Variants in DLG2 observed in about 807,000 individuals in gnomAD.
The protein encoded by DLG2 is discs large MAGUK scaffold protein 2.
In DLG2, 45 loss-of-function variants were observed where a neutral mutation model predicts 132.5. That is an observed-to-expected ratio of 0.34 (90% CI 0.27 to 0.44). DLG2 has a LOEUF of 0.44. DLG2 is among the 20% of genes least tolerant of loss of function. The probability of loss-of-function intolerance (pLI) is 1.00; values close to 1 mark genes in which losing one functional copy is unlikely to be tolerated. For missense variants in DLG2, 1,045 were observed against 1,196.9 expected (o/e 0.87, Z 1.87); for synonymous variants, 424 against 419.6 (o/e 1.01, Z -0.13).
intron 8 of DLG2, among the ~76,000 whole-genome samples, chr11:84,170,905 C>T (rs572902944): frequency 6.6e-6 from 1 of 152,234 alleles, no homozygotes; most frequent in East Asian, 1.9e-4. Flanking sequence ...ACTCTTTATT[C>T]TAAAGATCCT....
intron 6 of DLG2, among the ~76,000 whole-genome samples, chr11:85,092,772 A>G (rs2069003298): frequency 6.6e-6 from 1 of 151,606 alleles, no homozygotes; most frequent in African/African-American, 2.4e-5. Flanking sequence ...CCTCCCAAGT[A>G]GCTGGGACTA....
intron 17 of DLG2, among the ~76,000 whole-genome samples, chr11:83,829,197 CTTT>C (rs5793089): frequency 0.22 from 26,499 of 119,588 alleles, 2,890 homozygotes; most frequent in African/African-American, 0.42. Context: ...TTTTATTTAG[CTTT>C]TTTTTTTTTT....
Position 84,379,562 on chromosome 11 carries a change from T to A in DLG2, c.520-128271A>T, listed in dbSNP as rs955370870. Reference sequence around the variant, plus strand: ...GAGGATGGAACAAAGTGATTCAAGATGTAGAAACATAGGTAGCTCAAAAAA... The same window carrying A: ...GAGGATGGAACAAAGTGATTCAAGAAGTAGAAACATAGGTAGCTCAAAAAA... On this transcript the variant is annotated intron_variant, in intron 7 of 27. Coordinates refer to ENST00000376104, the MANE Select transcript of DLG2 (RefSeq NM_001142699.3). Among the ~76,000 whole-genome samples, 4 of 152,046 alleles carry A rather than the reference T, an allele frequency of 2.6e-5. 1 individual carries two copies. Among genetic ancestry groups the A allele is most frequent in the Admixed American group, 2.6e-4 (4 of 15,250 alleles).
intron 6 of DLG2, among the ~76,000 whole-genome samples, chr11:84,758,958 A>G (rs563078875): frequency 2.0e-5 from 3 of 151,970 alleles, no homozygotes; most frequent in East Asian, 3.9e-4. Context: ...GCTCACTGAA[A>G]CCTCCACCTC....
chr11:84,798,901 C>T (rs2075022365), intron 6 of DLG2, among the ~76,000 whole-genome samples: 3 of 152,138 alleles, frequency 2.0e-5, no homozygotes, highest in Non-Finnish European at 4.4e-5. Flanking sequence ...GGGCTAGCTG[C>T]CTGTCACCCC....
rs940671878 is a variant in DLG2 at position 83,676,225 on chromosome 11, T to C, written c.1826-42900A>G. 3.9e-5 allele frequency among the ~76,000 whole-genome samples: 6 copies of C among 152,298 alleles called. 1 individual carries two copies. The South Asian group carries it at 1.0e-3, about 26-fold the overall frequency. ...ATCTCTTTCTAGCTGGATGTGACTA[T>C]GAAAACAAGTTGTCTAGGAGTCACT... On this transcript the variant is annotated intron_variant, in intron 18 of 27. Coordinates refer to ENST00000376104, the MANE Select transcript of DLG2 (RefSeq NM_001142699.3).
chr11:85,081,316 C>T (rs1185887830), intron 6 of DLG2, among the ~76,000 whole-genome samples: 2 of 152,132 alleles, frequency 1.3e-5, no homozygotes, highest in Non-Finnish European at 2.9e-5. Context: ...GTCTTAGCAA[C>T]AGCATGGGAA....
chr11:85,028,916 G>C (rs961851264), intron 6 of DLG2, among the ~76,000 whole-genome samples: 1 of 152,252 alleles, frequency 6.6e-6, no homozygotes. Flanking sequence ...CCCCAGCTGT[G>C]CCTACCCCGC....
chr11:85,465,466 C>T (rs1371825884), intron 3 of DLG2, among the ~76,000 whole-genome samples: 4 of 152,116 alleles, frequency 2.6e-5, no homozygotes, highest in African/African-American at 9.7e-5. Flanking sequence ...TCCCCCCACC[C>T]CACAACAGGC....
intron 3 of DLG2, among the ~76,000 whole-genome samples, chr11:85,495,209 T>C (rs1296369320): frequency 6.6e-6 from 1 of 152,154 alleles, no homozygotes; most frequent in Non-Finnish European, 1.5e-5. Flanking sequence ...TGTAGAACAA[T>C]ATAAAATCAC....
intron 7 of DLG2, among the ~76,000 whole-genome samples, chr11:84,390,086 C>G (rs945824903): frequency 6.6e-6 from 1 of 152,054 alleles, no homozygotes; most frequent in Admixed American, 6.6e-5. Flanking sequence ...CATAATCCAT[C>G]CCAGTTACAA....
At chr11:85,521,664 C>A (rs1359259561) in intron 3 of DLG2, among the ~76,000 whole-genome samples, 1 of 152,114 alleles carries the variant, frequency 6.6e-6, no homozygotes, top group Admixed American at 6.5e-5. Flanking sequence ...TGGCTTTGAA[C>A]AAAATGCTCA....
At chr11:84,317,432 G>A (rs1599770489) in intron 7 of DLG2, 1 of 1,179,962 alleles carries the variant, frequency 8.5e-7, no homozygotes, top group South Asian at 2.0e-5. Context: ...GCTCCACACA[G>A]CTGGGCTACA....
intron 18 of DLG2, among the ~76,000 whole-genome samples, chr11:83,685,545 T>C (rs1484653812): frequency 6.6e-6 from 1 of 152,122 alleles, no homozygotes; most frequent in Admixed American, 6.6e-5. Context: ...CTTCTACGTC[T>C]CCTTTGCTGG....
intron 18 of DLG2, among the ~76,000 whole-genome samples, chr11:83,718,312 G>A (rs574569991): frequency 5.9e-5 from 9 of 152,026 alleles, no homozygotes; most frequent in African/African-American, 1.4e-4. Flanking sequence ...CAAGGCAGCC[G>A]GATCACCTGA....
intron 14 of DLG2, 46 bp downstream of exon 14, chr11:83,962,839 T>C: frequency 6.2e-7 from 1 of 1,601,118 alleles, no homozygotes; most frequent in South Asian, 1.1e-5. Flanking sequence ...TGTGATTTCT[T>C]TCTGGTAATA....
intron 3 of DLG2, among the ~76,000 whole-genome samples, chr11:85,324,224 C>T (rs888723527): frequency 1.3e-5 from 2 of 152,122 alleles, no homozygotes; most frequent in African/African-American, 2.4e-5. Flanking sequence ...GAATTCCTGT[C>T]TTTGAATAGC....
At chr11:84,545,430 A>G in intron 6 of DLG2, 2 of 465,070 alleles carry the variant, frequency 4.3e-6, no homozygotes, top group Admixed American at 2.4e-5. Flanking sequence ...ACCACTGAAG[A>G]TTCCTCCACA....
chr11:85,101,404 T>C (rs567002241), intron 6 of DLG2, among the ~76,000 whole-genome samples: 1 of 152,280 alleles, frequency 6.6e-6, no homozygotes, highest in South Asian at 2.1e-4. Context: ...AGTAAATTAG[T>C]TGTGAGCACT....
Sources: gnomAD v4.1 joint callset for allele counts (sites outside exome capture counted in the v4.1 genomes callset) on GRCh38, gnomAD v4.1.1 for gene constraint, MANE v1.5 for transcripts, NCBI Gene and HGNC (gene_info 2026-07-23, HGNC 2026-07-21) for gene names.